The following LRRC7 variants were observed in gnomAD, a reference collection of about 807,000 sequenced individuals.
LRRC7 encodes the protein leucine-rich repeat-containing protein 7.
In LRRC7, 23 loss-of-function variants were observed where a neutral mutation model predicts 175.7. The observed-to-expected ratio is 0.13, with a 90% confidence interval of 0.09 to 0.19. The LOEUF (loss-of-function observed/expected upper bound fraction) is 0.19. Among genes scored for constraint, LRRC7 ranks in the 10% least tolerant of loss-of-function variants. The pLI, the probability that LRRC7 is intolerant of heterozygous loss-of-function variation, is 1.00. For synonymous variants in LRRC7, 685 were observed against 680.9 expected (o/e 1.01, Z -0.09); for missense variants, 1,354 against 1,904.7 (o/e 0.71, Z 5.38).
At chr1:69,838,409 G>A (rs1440185910) in intron 7 of LRRC7, 126 bp downstream of exon 7, 1 of 706,268 alleles carries the variant, frequency 1.4e-6, no homozygotes. Context: ...TTTCCTAAAG[G>A]CCAAAAAGTA....
At chr1:70,051,854 G>T (rs1261526640) in intron 22 of LRRC7, among the ~76,000 whole-genome samples, 1 of 152,032 alleles carries the variant, frequency 6.6e-6, no homozygotes, top group African/African-American at 2.4e-5. Context: ...TGCAGGTAAG[G>T]AGGTTCTATC....
chr1:70,036,768 C>A, intron 20 of LRRC7, 144 bp downstream of exon 20: 2 of 803,602 alleles, frequency 2.5e-6, no homozygotes, highest in Non-Finnish European at 3.8e-6. Context: ...ATGTTGTTCG[C>A]CTGGGACTGC....
At chr1:69,852,178 A>G (rs1364942962) in intron 7 of LRRC7, among the ~76,000 whole-genome samples, 1 of 151,846 alleles carries the variant, frequency 6.6e-6, no homozygotes, top group Non-Finnish European at 1.5e-5. Context: ...CATTTTTCAC[A>G]TTATGTTGAA....
In LRRC7 at chr1:70,131,021, T is replaced by G. The variant is rs1251254410; in HGVS notation, c.*9134T>G. On this transcript the variant is annotated 3_prime_UTR_variant, in exon 27 of 27. Transcript: ENST00000651989. ...TCATGAATAGATCCCACCCCCTATA[T>G]CCCTAAAGTGAAGATGTCATATAGT... is the stretch of plus-strand genomic sequence containing the variant. 2.0e-5 allele frequency among the ~76,000 whole-genome samples: 3 copies of G among 152,082 alleles called. No individual in the cohort carries two copies. Among genetic ancestry groups the G allele is most frequent in the Non-Finnish European group, 4.4e-5 (3 of 68,006 alleles).
intron 7 of LRRC7, among the ~76,000 whole-genome samples, chr1:69,908,934 C>T (rs1297516534): frequency 6.6e-6 from 1 of 151,722 alleles, no homozygotes; most frequent in Middle Eastern, 3.2e-3. Context: ...TAAGGACTTG[C>T]TTTATGAGTC....
At position 70,128,210 on chromosome 1, in the gene LRRC7, C is replaced by T. The variant is rs992438297; in HGVS notation, c.*6323C>T. Among the ~76,000 whole-genome samples the T allele has an allele frequency of 1.3e-5, 2 of 152,178 alleles. No homozygotes were observed. The highest frequency in any genetic ancestry group is 4.8e-5 in the African/African-American group (2 of 41,436). On this transcript the variant is annotated 3_prime_UTR_variant, in exon 27 of 27. Transcript: ENST00000651989. ...CACCTGGCCTCAAAAGATCCACCTG[C>T]CTCGACCTCCCAAAGTGCTGGGATT... is the stretch of plus-strand genomic sequence containing the variant.
chr1:69,904,866 T>C (rs1257967596), intron 7 of LRRC7, among the ~76,000 whole-genome samples: 4 of 152,120 alleles, frequency 2.6e-5, no homozygotes, highest in Non-Finnish European at 5.9e-5. Context: ...GTTTCCTTTT[T>C]CTTGTCCATA....
At chr1:70,029,142 C>T (rs61782626) in intron 18 of LRRC7, among the ~76,000 whole-genome samples, 8,418 of 152,208 alleles carry the variant, frequency 0.055, 309 homozygotes, top group South Asian at 0.12. Context: ...ATTTATTAAA[C>T]ACCAACTGCA....
At chr1:70,068,837 T>C (rs546440171) in intron 23 of LRRC7, among the ~76,000 whole-genome samples, 1 of 152,268 alleles carries the variant, frequency 6.6e-6, no homozygotes, top group South Asian at 2.1e-4. Context: ...TACCTCAGCC[T>C]CTCGAGTAGC....
Position 70,123,218 on chromosome 1 carries a change from T to G in LRRC7, c.*1331T>G, listed in dbSNP as rs904711563. On this transcript the variant is annotated 3_prime_UTR_variant, in exon 27 of 27. Transcript: ENST00000651989. ...CTTATCTTTCATATTAGTCATTAAT[T>G]TAATTACAATATTAATTTGAATTTC... 5 of 152,266 alleles carry G rather than the reference T, an allele frequency of 3.3e-5. No homozygotes were observed. The highest frequency in any genetic ancestry group is 2.0e-4 in the Admixed American group (3 of 15,276). The allele number at this position is 152,266 out of a possible 1,614,324, so 9.4% of individuals were successfully genotyped here. A position where few individuals can be genotyped will look rare whatever the true frequency, so the allele number is the denominator to read the frequency against.
chr1:70,092,545 A>G (rs1286270637), intron 25 of LRRC7, among the ~76,000 whole-genome samples: 2 of 152,162 alleles, frequency 1.3e-5, no homozygotes, highest in Admixed American at 1.3e-4. Context: ...GTTAATTAAT[A>G]CATTTGTTCC....
At chr1:69,773,788 G>GT (rs1374522813) in intron 3 of LRRC7, among the ~76,000 whole-genome samples, 1 of 152,132 alleles carries the variant, frequency 6.6e-6, no homozygotes, top group Non-Finnish European at 1.5e-5. Context: ...TGCCCAATAG[G>GT]TTTTGTTATC....
chr1:69,786,693 TGA>T (rs1440284220), intron 3 of LRRC7, among the ~76,000 whole-genome samples: 2 of 152,092 alleles, frequency 1.3e-5, no homozygotes, highest in Non-Finnish European at 2.9e-5. Context: ...TCAGATCTTG[TGA>T]GATTTATTCA....
chr1:69,694,790 C>A lies in LRRC7; in HGVS notation c.100+16312C>A, dbSNP rs141145707. Among the ~76,000 whole-genome samples, 30 of 152,172 alleles carry A rather than the reference C, an allele frequency of 2.0e-4. 1 individual carries two copies. Among genetic ancestry groups the A allele is most frequent in the Middle Eastern group, 3.4e-3 (1 of 294 alleles). On this transcript the variant is annotated intron_variant, in intron 2 of 26. Transcript: ENST00000651989. ...CTCAGCATGTGATATGCCAGTTCACCCTTTGACTTCCACCATGATCATAAG... is the reference window on the plus strand; with the variant it reads ...CTCAGCATGTGATATGCCAGTTCACACTTTGACTTCCACCATGATCATAAG...
At chr1:69,928,097 C>T (rs1647147317) in intron 7 of LRRC7, among the ~76,000 whole-genome samples, 1 of 152,170 alleles carries the variant, frequency 6.6e-6, no homozygotes, top group Non-Finnish European at 1.5e-5. Flanking sequence ...TGGGTATCAG[C>T]AGCGGTGGCT....
chr1:69,887,044 C>T (rs1488612276), intron 7 of LRRC7, among the ~76,000 whole-genome samples: 5 of 150,534 alleles, frequency 3.3e-5, no homozygotes, highest in South Asian at 2.1e-4. Flanking sequence ...TCTGGCTGCC[C>T]TTAACATTTT....
chr1:70,019,035 T>A (rs1445658621), intron 15 of LRRC7, among the ~76,000 whole-genome samples: 1 of 152,068 alleles, frequency 6.6e-6, no homozygotes, highest in Non-Finnish European at 1.5e-5. Flanking sequence ...TTCATCTTTA[T>A]ATCTTACATA....
rs1309359434 is a variant in LRRC7 at position 69,717,853 on chromosome 1, G to GAAA, written c.100+39375_100+39376insAAA. Among the ~76,000 whole-genome samples, 94 of 15,566 alleles carry GAAA rather than the reference G, an allele frequency of 6.0e-3. 3 individuals are homozygous for GAAA. Among genetic ancestry groups the GAAA allele is most frequent in the East Asian group, 0.028 (22 of 780 alleles). The allele number at this position is 15,566 out of a possible 152,430, so 10.2% of individuals were successfully genotyped here. A position where few individuals can be genotyped will look rare whatever the true frequency, so the allele number is the denominator to read the frequency against. On this transcript the variant is annotated intron_variant, in intron 2 of 26. Transcript: ENST00000651989. ...AAGAAAGAAAGAAAAAAGAAAGAAA[G>GAAA]GAAAGAAAGAAAGAAAGAAAGAAAG...
intron 2 of LRRC7, among the ~76,000 whole-genome samples, chr1:69,756,330 G>C (rs755427433): frequency 7.3e-5 from 11 of 151,640 alleles, no homozygotes; most frequent in Non-Finnish European, 1.6e-4. Context: ...ACAGAAAAAT[G>C]ATTTTTTTTA....
Sources: allele counts gnomAD v4.1 joint callset (sites outside exome capture counted in the v4.1 genomes callset), GRCh38; gene constraint gnomAD v4.1.1; transcripts MANE v1.5; gene names NCBI Gene and HGNC (gene_info 2026-07-23, HGNC 2026-07-21).